The following SLC22A3 variants were observed in gnomAD, a reference collection of about 807,000 sequenced individuals.
SLC22A3 encodes solute carrier family 22 member 3.
SLC22A3 carries 51 observed loss-of-function variants against 59.1 expected under a neutral mutation model. The observed-to-expected ratio is 0.86, with a 90% confidence interval of 0.69 to 1.09. The LOEUF is 1.09. Ranked by LOEUF, SLC22A3 falls within the 50% of genes least tolerant of loss-of-function variation. The probability of loss-of-function intolerance (pLI) is 0.00; values close to 1 mark genes in which losing one functional copy is unlikely to be tolerated. For missense variants in SLC22A3, 711 were observed against 726.3 expected (o/e 0.98, Z 0.24); for synonymous variants, 325 against 292.0 (o/e 1.11, Z -1.15).
At chr6:160,355,499 C>A (rs938184783) in intron 1 of SLC22A3, among the ~76,000 whole-genome samples, 1 of 152,022 alleles carries the variant, frequency 6.6e-6, no homozygotes, top group Admixed American at 6.5e-5. Context: ...CGGTGGCTCA[C>A]ACCTGTAATC....
At chr6:160,397,150 G>C (rs1435045801) in intron 1 of SLC22A3, among the ~76,000 whole-genome samples, 1 of 152,130 alleles carries the variant, frequency 6.6e-6, no homozygotes, top group Non-Finnish European at 1.5e-5. Flanking sequence ...AGTGGGGGCT[G>C]TTCGGGGAGA....
At chr6:160,449,222 GTTT>G (rs1286497313) in intron 10 of SLC22A3, among the ~76,000 whole-genome samples, 1 of 151,868 alleles carries the variant, frequency 6.6e-6, no homozygotes, top group Non-Finnish European at 1.5e-5. Flanking sequence ...TTTTGTTTTT[GTTT>G]TTGTTTGTTT....
At chr6:160,398,821 A>C (rs947538419) in intron 2 of SLC22A3, among the ~76,000 whole-genome samples, 2 of 152,224 alleles carry the variant, frequency 1.3e-5, no homozygotes. Flanking sequence ...TATAGACTGG[A>C]AATTGCTGAC....
chr6:160,449,686 C>A (rs1211446078), intron 10 of SLC22A3, among the ~76,000 whole-genome samples: 3 of 152,176 alleles, frequency 2.0e-5, no homozygotes, highest in Non-Finnish European at 2.9e-5. Context: ...TGCTAACAAA[C>A]CCCTGTATCA....
chr6:160,359,321 T>C (rs968933601), intron 1 of SLC22A3, among the ~76,000 whole-genome samples: 2 of 152,208 alleles, frequency 1.3e-5, no homozygotes, highest in Admixed American at 6.5e-5. Context: ...GCTTTATATA[T>C]TGAGCATTCC....
At chr6:160,405,237 C>T (rs1335048834) in intron 2 of SLC22A3, among the ~76,000 whole-genome samples, 7 of 151,948 alleles carry the variant, frequency 4.6e-5, no homozygotes, top group Non-Finnish European at 7.4e-5. Context: ...AACTAAAAAG[C>T]GGGCCAAAGA....
At chr6:160,439,497 C>T (rs1004534458) in intron 7 of SLC22A3, among the ~76,000 whole-genome samples, 1 of 152,072 alleles carries the variant, frequency 6.6e-6, no homozygotes. Context: ...TTGTTGCATT[C>T]AGAATGACCC....
rs745417357 is a variant in SLC22A3, at chr6:160,437,220, AC to A, written c.1288+13del. On this transcript the variant is annotated intron_variant, in intron 7 of 10. Coordinates refer to ENST00000275300, the MANE Select transcript of SLC22A3 (RefSeq NM_021977.4). ...TGCGTTCTTACCAGAAGGTAATCTT[AC>A]CCCACATCTGTTTGGCAGCCAAAGG... The A allele has an allele frequency of 1.2e-6, 2 of 1,613,696 alleles. No homozygotes were observed. Among genetic ancestry groups the A allele is most frequent in the Non-Finnish European group, 8.5e-7 (1 of 1,179,770 alleles).
chr6:160,415,261 C>T lies in SLC22A3; in HGVS notation c.975+4415C>T, dbSNP rs139814714. Among the ~76,000 whole-genome samples, 24 of 152,288 alleles carry T rather than the reference C, an allele frequency of 1.6e-4. No homozygotes were observed. The East Asian group carries it at 4.1e-3, about 26-fold the overall frequency. Reference sequence around the variant, plus strand: ...TCCATCTCAAAGGTCCTTATGTCCCCACAAGCACCATCCTGAGCAGAAAAC... The same window carrying T: ...TCCATCTCAAAGGTCCTTATGTCCCTACAAGCACCATCCTGAGCAGAAAAC... On this transcript the variant is annotated intron_variant, in intron 5 of 10. Coordinates refer to ENST00000275300, the MANE Select transcript of SLC22A3 (RefSeq NM_021977.4). This position sits in a 1 kb window ranked among gnomAD's most constrained non-coding sequence, Gnocchi z 4.1.
chr6:160,357,833 G>C (rs1159811458), intron 1 of SLC22A3, among the ~76,000 whole-genome samples: 1 of 152,176 alleles, frequency 6.6e-6, no homozygotes, highest in Non-Finnish European at 1.5e-5. Context: ...TAGAGTGTAA[G>C]AAAGTGTTCC....
intron 10 of SLC22A3, among the ~76,000 whole-genome samples, chr6:160,449,412 A>G (rs73782587): frequency 0.079 from 12,041 of 152,140 alleles, 1,575 homozygotes; most frequent in African/African-American, 0.27. Flanking sequence ...ACATTAATTA[A>G]TTATACCTAG....
intron 1 of SLC22A3, among the ~76,000 whole-genome samples, chr6:160,355,903 C>A (rs1043659402): frequency 6.6e-5 from 10 of 152,194 alleles, no homozygotes; most frequent in Non-Finnish European, 1.0e-4. Context: ...CTGGGCTTGG[C>A]TTCCTTTATC....
chr6:160,406,967 AT>A, intron 2 of SLC22A3, 73 bp from the exon 3 acceptor site: 2 of 1,525,620 alleles, frequency 1.3e-6, no homozygotes, highest in Non-Finnish European at 1.8e-6. Flanking sequence ...ATGATATAAT[AT>A]TTTATGTTAT....
chr6:160,431,741 A>G (rs1788157394), intron 5 of SLC22A3, among the ~76,000 whole-genome samples: 1 of 152,238 alleles, frequency 6.6e-6, no homozygotes, highest in South Asian at 2.1e-4. Flanking sequence ...TTGCTAAAAA[A>G]AAATTGCCTA....
chr6:160,434,596 A>G (rs186601856), intron 5 of SLC22A3, among the ~76,000 whole-genome samples: 2 of 152,364 alleles, frequency 1.3e-5, no homozygotes, highest in Admixed American at 1.3e-4. Flanking sequence ...ATTTTAATGT[A>G]TTAACACATA....
chr6:160,433,447 C>T (rs960380043), intron 5 of SLC22A3, among the ~76,000 whole-genome samples: 10 of 152,038 alleles, frequency 6.6e-5, no homozygotes, highest in South Asian at 2.1e-4. Context: ...TTTTGGGAGG[C>T]GAAGTCAGGA....
chr6:160,348,793 TG>T lies in SLC22A3; in HGVS notation c.375del (p.Pro126ArgfsTer36), dbSNP rs764599660. The T allele has an allele frequency of 8.3e-5, 131 of 1,575,168 alleles. No individual in the cohort carries two copies. In the African/African-American group the frequency reaches 1.6e-3, roughly 19 times the overall value. ...AAFPNRSAPL[V>X]PCRGGWRYAQ... The stretch of plus-strand genomic sequence containing the variant: ...TTCCCCAACCGCTCGGCTCCCCTTG[TG>T]CCGTGCCGCGGCGGCTGGCGCTACG... On this transcript the variant is annotated frameshift_variant, in exon 1 of 11. Coordinates refer to ENST00000275300, the MANE Select transcript of SLC22A3 (RefSeq NM_021977.4). LOFTEE classifies it high-confidence loss of function.
chr6:160,410,574 G>A (rs1242421613), intron 4 of SLC22A3, among the ~76,000 whole-genome samples, 155 bp from the exon 5 acceptor site: 1 of 152,120 alleles, frequency 6.6e-6, no homozygotes, highest in Non-Finnish European at 1.5e-5. Context: ...AACCTTGCAG[G>A]AATAATCTGT....
chr6:160,377,109 T>C (rs1170694781), intron 1 of SLC22A3, among the ~76,000 whole-genome samples: 1 of 152,130 alleles, frequency 6.6e-6, no homozygotes, highest in Non-Finnish European at 1.5e-5. Flanking sequence ...ACAAGATCTT[T>C]CCATGGGCAG....
Sources: allele counts gnomAD v4.1 joint callset (sites outside exome capture counted in the v4.1 genomes callset), GRCh38; gene constraint gnomAD v4.1.1; non-coding constraint Gnocchi (gnomAD v3.1); transcripts MANE v1.5; gene names NCBI Gene and HGNC (gene_info 2026-07-23, HGNC 2026-07-21).